MARCHF4: variants seen among roughly 807,000 people sequenced by gnomAD.
The protein encoded by MARCHF4 is membrane associated ring-CH-type finger 4.
Under a neutral mutation model 43.9 loss-of-function variants are expected in MARCHF4, and 14 were observed. The observed-to-expected ratio is 0.32, with a 90% CI of 0.21 to 0.50. MARCHF4 has a LOEUF of 0.50. Ranked by LOEUF, MARCHF4 falls within the 20% of genes least tolerant of loss-of-function variation. The probability of loss-of-function intolerance (pLI) is 0.98; values close to 1 mark genes in which losing one functional copy is unlikely to be tolerated. For synonymous variants in MARCHF4, 226 were observed against 213.3 expected (o/e 1.06, Z -0.52); for missense variants, 468 against 536.7 (o/e 0.87, Z 1.27).
At chr2:216,346,814 C>A (rs963927802) in intron 1 of MARCHF4, among the ~76,000 whole-genome samples, 7 of 152,056 alleles carry the variant, frequency 4.6e-5, no homozygotes, top group African/African-American at 1.7e-4. Flanking sequence ...AGGCAGAGGG[C>A]AGTTGATAGG....
chr2:216,362,965 G>A (rs1236824422), intron 1 of MARCHF4, among the ~76,000 whole-genome samples: 1 of 151,974 alleles, frequency 6.6e-6, no homozygotes, highest in Non-Finnish European at 1.5e-5. Context: ...CAGCAAACAA[G>A]CAGCAGCTCG....
In MARCHF4 at chr2:216,308,616, C is replaced by A. The variant is rs540727601; in HGVS notation, c.517-24887G>T. On this transcript the variant is annotated intron_variant, in intron 1 of 3. Coordinates refer to ENST00000273067, the MANE Select transcript of MARCHF4 (RefSeq NM_020814.3). ...CCAGGCCTGCACTCTGCTTCCGGAA[C>A]TCTGAGTTGTGATCCTTCCACTAAC... Among the ~76,000 whole-genome samples, 4 of 152,314 alleles carry A rather than the reference C, an allele frequency of 2.6e-5. No individual in the cohort carries two copies. In the East Asian group the frequency reaches 7.7e-4, roughly 29 times the overall value.
intron 1 of MARCHF4, among the ~76,000 whole-genome samples, chr2:216,364,202 G>A (rs529121738): frequency 2.3e-4 from 35 of 152,070 alleles, no homozygotes; most frequent in African/African-American, 5.5e-4. Context: ...ATTTGACACC[G>A]CTTTTTTCCT....
chr2:216,361,164 ACT>A (rs1692571353), intron 1 of MARCHF4, among the ~76,000 whole-genome samples: 1 of 152,052 alleles, frequency 6.6e-6, no homozygotes, highest in African/African-American at 2.4e-5. Flanking sequence ...ATGTCCAAAG[ACT>A]CTGAGTCTAA....
chr2:216,369,689 A>G, intron 1 of MARCHF4, 56 bp downstream of exon 1: 1 of 1,420,098 alleles, frequency 7.0e-7, no homozygotes, highest in Non-Finnish European at 9.6e-7. Flanking sequence ...GGCGAGTAGC[A>G]ATCTGCAAGA....
At chr2:216,295,423 T>C (rs1018107855) in intron 1 of MARCHF4, among the ~76,000 whole-genome samples, 55 of 152,134 alleles carry the variant, frequency 3.6e-4, no homozygotes, top group Non-Finnish European at 2.5e-4. Context: ...CACCGTGCCC[T>C]AATTCTGTTT....
At chr2:216,344,591 T>G (rs528662788) in intron 1 of MARCHF4, among the ~76,000 whole-genome samples, 2 of 152,260 alleles carry the variant, frequency 1.3e-5, no homozygotes, top group South Asian at 4.1e-4. Context: ...AGGGCAGGGC[T>G]TCTAAAAGGC....
intron 1 of MARCHF4, among the ~76,000 whole-genome samples, chr2:216,341,879 C>G (rs998471109): frequency 6.6e-6 from 1 of 152,146 alleles, no homozygotes; most frequent in Admixed American, 6.5e-5. Flanking sequence ...ATAGCAGCTG[C>G]TCACCAACCA....
intron 1 of MARCHF4, among the ~76,000 whole-genome samples, chr2:216,338,213 CTG>C (rs773136955): frequency 9.8e-5 from 15 of 152,296 alleles, no homozygotes; most frequent in Non-Finnish European, 1.9e-4. Context: ...GTTTAGAACA[CTG>C]TAGTGTAAGA....
intron 1 of MARCHF4, among the ~76,000 whole-genome samples, chr2:216,327,775 G>T (rs1255655114): frequency 6.6e-6 from 1 of 152,126 alleles, no homozygotes; most frequent in Non-Finnish European, 1.5e-5. Flanking sequence ...GGCAGGATTT[G>T]ACCCAACTGA....
At chr2:216,315,875 C>T (rs1318322596) in intron 1 of MARCHF4, among the ~76,000 whole-genome samples, 2 of 152,134 alleles carry the variant, frequency 1.3e-5, no homozygotes, top group Non-Finnish European at 2.9e-5. Flanking sequence ...TCATCCCAGT[C>T]GCCTTAGGCC....
In MARCHF4 at chr2:216,360,033, C is replaced by T. The variant is rs7574629; in HGVS notation, c.516+9712G>A. Among the ~76,000 whole-genome samples, 556 of 152,188 alleles carry T rather than the reference C, an allele frequency of 3.7e-3. 3 individuals are homozygous for T. The highest frequency in any genetic ancestry group is 0.013 in the African/African-American group (530 of 41,514). ...CCCCACTTGATTTCCTACTAATACACGGTATTCCTGAAGTAATCACCTACT... is the reference window on the plus strand; with the variant it reads ...CCCCACTTGATTTCCTACTAATACATGGTATTCCTGAAGTAATCACCTACT... On this transcript the variant is annotated intron_variant, in intron 1 of 3. Transcript: ENST00000273067.
At chr2:216,361,721 A>T (rs1004943783) in intron 1 of MARCHF4, among the ~76,000 whole-genome samples, 2 of 152,180 alleles carry the variant, frequency 1.3e-5, no homozygotes, top group Admixed American at 6.5e-5. Context: ...TGTATCCCTG[A>T]TTGTCAGTCA....
chr2:216,259,493 G>T lies in MARCHF4; in HGVS notation c.1052C>A (p.Thr351Asn), dbSNP rs762584593. 1.2e-6 allele frequency: 2 copies of T among 1,614,196 alleles called. No homozygotes were observed. The highest frequency in any genetic ancestry group is 1.1e-5 in the South Asian group (1 of 91,084). The change falls in exon 4 of 4, where the codon ACC (threonine) becomes AAC (asparagine). Residue 351 changes from threonine (T) to asparagine (N), a missense_variant. This residue lies in a region of MARCHF4 where 120 missense variants were observed against 127.1 expected (regional missense o/e 0.94). Transcript: ENST00000273067. ...QANIPSSEEE[T>N]AGTPAPEQGP... ...CTGCTCAGGGGCAGGGGTGCCTGCG[G>T]TCTCCTCTTCCGAGGAGGGGATATT...
At chr2:216,341,594 G>A (rs906572360) in intron 1 of MARCHF4, among the ~76,000 whole-genome samples, 4 of 152,232 alleles carry the variant, frequency 2.6e-5, no homozygotes, top group Non-Finnish European at 5.9e-5. Context: ...CAAAGTCCTA[G>A]TAGGCTTAGT....
intron 1 of MARCHF4, among the ~76,000 whole-genome samples, chr2:216,305,475 C>T (rs1182252613): frequency 2.0e-5 from 3 of 152,190 alleles, no homozygotes; most frequent in Non-Finnish European, 2.9e-5. Flanking sequence ...TATCACCTTT[C>T]TTGCTCCGGC....
chr2:216,372,478 A>T lies in MARCHF4; in HGVS notation c.-2218T>A, dbSNP rs1692785826. Among the ~76,000 whole-genome samples, 1 of 151,902 alleles carries T rather than the reference A, an allele frequency of 6.6e-6. No individual in the cohort carries two copies. Among genetic ancestry groups the T allele is most frequent in the Admixed American group, 6.6e-5 (1 of 15,254 alleles). On this transcript the variant is annotated 5_prime_UTR_variant, in exon 1 of 4. Transcript: ENST00000273067. ...GGGAGAGGGAGCAAGAGGAGGAGAG[A>T]ACTGTGCGAGGGAAGGGGATGGGGA...
At chr2:216,303,620 A>T (rs530011805) in intron 1 of MARCHF4, 24 of 152,262 alleles carry the variant, frequency 1.6e-4, no homozygotes, top group African/African-American at 5.5e-4. Flanking sequence ...TGCATCTCTG[A>T]TGGTGTAAAG....
chr2:216,291,983 C>T (rs1006116576), intron 1 of MARCHF4, among the ~76,000 whole-genome samples: 1 of 152,204 alleles, frequency 6.6e-6, no homozygotes, highest in African/African-American at 2.4e-5. Flanking sequence ...CCCACAGCAG[C>T]CTGTCCATCA....
Sources: allele counts gnomAD v4.1 joint callset (sites outside exome capture counted in the v4.1 genomes callset), GRCh38; gene constraint gnomAD v4.1.1; regional missense constraint gnomAD v4.1.1; transcripts MANE v1.5; gene names NCBI Gene and HGNC (gene_info 2026-07-23, HGNC 2026-07-21).